JMJD1C: variants seen among roughly 807,000 people sequenced by gnomAD.
JMJD1C encodes the protein jumonji domain containing 1C, also known as jumonji domain-containing protein 1C.
Under a neutral mutation model 245.3 loss-of-function variants are expected in JMJD1C, and 31 were observed. The observed-to-expected ratio is 0.13, with a 90% confidence interval of 0.09 to 0.17. The LOEUF (loss-of-function observed/expected upper bound fraction) is 0.17. JMJD1C is among the 10% of genes least tolerant of loss of function. The probability of loss-of-function intolerance (pLI) is 1.00; values close to 1 mark genes in which losing one functional copy is unlikely to be tolerated. For missense variants in JMJD1C, 2,691 were observed against 3,000.2 expected (o/e 0.90, Z 2.41); for synonymous variants, 1,057 against 1,017.4 (o/e 1.04, Z -0.74).
At chr10:63,238,425 C>T (rs1360566442) in intron 3 of JMJD1C, among the ~76,000 whole-genome samples, 1 of 151,842 alleles carries the variant, frequency 6.6e-6, no homozygotes, top group African/African-American at 2.4e-5. Context: ...TATAGTTTAT[C>T]TTTAAAAAAG....
At chr10:63,284,494 C>T (rs1857749365) in intron 2 of JMJD1C, among the ~76,000 whole-genome samples, 1 of 152,108 alleles carries the variant, frequency 6.6e-6, no homozygotes. Flanking sequence ...AAGGATAACC[C>T]TCAACCAGCA....
chr10:63,460,106 A>C (rs939918795), intron 1 of JMJD1C, among the ~76,000 whole-genome samples: 5 of 152,228 alleles, frequency 3.3e-5, no homozygotes, highest in Non-Finnish European at 5.9e-5. Flanking sequence ...AAGTTAGCTT[A>C]GAAAAATCAT....
chr10:63,328,474 A>C (rs1941780991), intron 2 of JMJD1C, among the ~76,000 whole-genome samples: 1 of 152,330 alleles, frequency 6.6e-6, no homozygotes, highest in Middle Eastern at 3.4e-3. Flanking sequence ...AAATGAGGTG[A>C]ATAACATTAT....
intron 18 of JMJD1C, 90 bp downstream of exon 18, chr10:63,189,078 C>T: frequency 9.2e-7 from 1 of 1,087,046 alleles, no homozygotes. Context: ...TATTTTTCCC[C>T]CCTCCATTTC....
intron 10 of JMJD1C, chr10:63,203,342 T>C (rs970608761): frequency 5.3e-5 from 52 of 984,284 alleles, no homozygotes; most frequent in African/African-American, 1.6e-4. Flanking sequence ...CCTAACTCAA[T>C]GGATACTTCT....
At chr10:63,499,132 G>A (rs1388644456) in intron 1 of JMJD1C, among the ~76,000 whole-genome samples, 2 of 152,158 alleles carry the variant, frequency 1.3e-5, no homozygotes, top group East Asian at 3.8e-4. Context: ...GGGACATCTA[G>A]GTTGATTCCA....
Position 63,219,966 on chromosome 10 carries a change from T to C in JMJD1C, c.465A>G (p.Leu155=). 1 of 1,613,202 alleles carries C rather than the reference T, an allele frequency of 6.2e-7. No individual in the cohort carries two copies. Among genetic ancestry groups the C allele is most frequent in the Non-Finnish European group, 8.5e-7 (1 of 1,179,276 alleles). Residue 155 remains leucine (L), a synonymous_variant, in exon 4 of 26, where the codon CTA becomes CTG. Coordinates refer to ENST00000399262, the MANE Select transcript of JMJD1C (RefSeq NM_032776.3). The part of the protein sequence containing the change: ...FQPYQDDIDS[L]NPVLRDNPQL... The stretch of plus-strand genomic sequence containing the variant: ...GCGGGTTGTCCCTGAGAACTGGGTT[T>C]AGGCTGTCTATGTCGTCCTAGAATT...
At chr10:63,508,577 G>C (rs552157366) in intron 1 of JMJD1C, among the ~76,000 whole-genome samples, 1 of 152,288 alleles carries the variant, frequency 6.6e-6, no homozygotes, top group Admixed American at 6.5e-5. Flanking sequence ...GGGAAGAACT[G>C]ACATTCTGAT....
intron 2 of JMJD1C, among the ~76,000 whole-genome samples, chr10:63,331,815 T>A (rs2134169987): frequency 6.6e-6 from 1 of 152,308 alleles, no homozygotes; most frequent in Non-Finnish European, 1.5e-5. Context: ...AGATGGGGTT[T>A]CGCCATACTG....
intron 2 of JMJD1C, among the ~76,000 whole-genome samples, chr10:63,281,458 CTTTTTTTTTTTTT>C (rs71025144): frequency 1.5e-4 from 10 of 65,350 alleles, no homozygotes; most frequent in South Asian, 6.4e-4. Flanking sequence ...TGCGCCTGGC[CTTTTTTTTTTTTT>C]TTTTTTTTTT....
At chr10:63,276,135 T>G (rs954078881) in intron 2 of JMJD1C, among the ~76,000 whole-genome samples, 1 of 152,050 alleles carries the variant, frequency 6.6e-6, no homozygotes, top group East Asian at 1.9e-4. Context: ...TAACTGGTAG[T>G]CTTTGAAAAA....
intron 16 of JMJD1C, 40 bp downstream of exon 16, chr10:63,192,898 T>C (rs760556367): frequency 6.4e-6 from 9 of 1,408,714 alleles, no homozygotes; most frequent in South Asian, 1.2e-5. Flanking sequence ...AGTTATACTA[T>C]ACTCCTCTCA....
At chr10:63,231,318 C>T (rs1849959643) in intron 3 of JMJD1C, among the ~76,000 whole-genome samples, 1 of 152,194 alleles carries the variant, frequency 6.6e-6, no homozygotes, top group South Asian at 2.1e-4. Context: ...GGCAATTAAG[C>T]CCAGCTTTTT....
intron 2 of JMJD1C, among the ~76,000 whole-genome samples, chr10:63,322,920 A>G (rs1041098759): frequency 6.2e-4 from 94 of 151,034 alleles, no homozygotes; most frequent in Non-Finnish European, 5.9e-5. Flanking sequence ...ATATTGATGT[A>G]TATTAACAAT....
At chr10:63,437,130 G>GT (rs1448473614) in intron 1 of JMJD1C, among the ~76,000 whole-genome samples, 1 of 152,230 alleles carries the variant, frequency 6.6e-6, no homozygotes, top group African/African-American at 2.4e-5. Flanking sequence ...CTTTGTTTCT[G>GT]TATCTAATCA....
intron 12 of JMJD1C, among the ~76,000 whole-genome samples, chr10:63,198,235 G>A (rs554754052): frequency 1.3e-5 from 2 of 152,180 alleles, no homozygotes; most frequent in African/African-American, 4.8e-5. Context: ...GCCAAATGCT[G>A]AAATTTCACA....
chr10:63,211,450 G>A (rs553588084), intron 8 of JMJD1C, among the ~76,000 whole-genome samples: 1 of 134,828 alleles, frequency 7.4e-6, no homozygotes, highest in African/African-American at 2.7e-5. Flanking sequence ...TGGCAACAGA[G>A]GGAGACTCCA....
At chr10:63,218,220 T>A (rs183709321) in intron 4 of JMJD1C, among the ~76,000 whole-genome samples, 3 of 152,214 alleles carry the variant, frequency 2.0e-5, no homozygotes, top group African/African-American at 7.2e-5. Context: ...TAGGTAAAAT[T>A]TTAAGTCAAA....
At chr10:63,416,161 G>A (rs776511295) in intron 1 of JMJD1C, among the ~76,000 whole-genome samples, 3 of 152,158 alleles carry the variant, frequency 2.0e-5, no homozygotes, top group African/African-American at 2.4e-5. Flanking sequence ...CGATACTTGC[G>A]ATTAAATAAC....
Sources: gnomAD v4.1 joint callset for allele counts (sites outside exome capture counted in the v4.1 genomes callset) on GRCh38, gnomAD v4.1.1 for gene constraint, MANE v1.5 for transcripts, NCBI Gene and HGNC (gene_info 2026-07-23, HGNC 2026-07-21) for gene names.